Variants in TMEM117 observed in about 807,000 individuals in gnomAD.
TMEM117 encodes transmembrane protein 117.
Under a neutral mutation model 52.4 loss-of-function variants are expected in TMEM117, and 27 were observed. That is an observed-to-expected ratio of 0.51 (90% CI 0.38 to 0.71). The LOEUF is 0.71. Ranked by LOEUF, TMEM117 falls within the 30% of genes least tolerant of loss-of-function variation. The pLI, the probability that TMEM117 is intolerant of heterozygous loss-of-function variation, is 0.00. For missense variants in TMEM117, 556 were observed against 630.5 expected (o/e 0.88, Z 1.26); for synonymous variants, 215 against 206.3 (o/e 1.04, Z -0.36).
intron 4 of TMEM117, among the ~76,000 whole-genome samples, chr12:44,158,776 G>C (rs1948861718): frequency 1.3e-5 from 2 of 151,990 alleles, no homozygotes; most frequent in African/African-American, 4.8e-5. Context: ...AAAAAAAATA[G>C]CAGCCCTGAA....
At chr12:43,809,714 G>A in the TMEM117 span, among the ~76,000 whole-genome samples, 22 of 152,216 alleles carry the variant, frequency 1.4e-4, no homozygotes, top group African/African-American at 4.3e-4. Context: ...TGTGTAACAC[G>A]TCCTTAGATT....
chr12:43,898,118 T>TA (rs892232245), intron 2 of TMEM117, among the ~76,000 whole-genome samples: 2 of 152,064 alleles, frequency 1.3e-5, no homozygotes, highest in African/African-American at 4.8e-5. Flanking sequence ...GCTCTTTACT[T>TA]ATTGGCATCT....
At chr12:44,293,049 C>T (rs747856507) in intron 5 of TMEM117, among the ~76,000 whole-genome samples, 5 of 151,416 alleles carry the variant, frequency 3.3e-5, no homozygotes, top group African/African-American at 4.8e-5. Flanking sequence ...TATTGTATTG[C>T]TGTCTCTTTT....
intron 6 of TMEM117, among the ~76,000 whole-genome samples, chr12:44,319,007 C>T (rs1341156867): frequency 6.6e-6 from 1 of 152,202 alleles, no homozygotes; most frequent in Non-Finnish European, 1.5e-5. Flanking sequence ...TCAAGAGAAA[C>T]TGTCGCTGTA....
intron 3 of TMEM117, among the ~76,000 whole-genome samples, chr12:44,143,206 A>T (rs761244217): frequency 3.3e-5 from 5 of 152,172 alleles, no homozygotes; most frequent in Admixed American, 6.5e-5. Flanking sequence ...CTCTGCTCAT[A>T]CTTGAGTGAG....
intron 2 of TMEM117, among the ~76,000 whole-genome samples, chr12:43,867,702 C>A (rs1172640300): frequency 6.6e-6 from 1 of 151,914 alleles, no homozygotes; most frequent in African/African-American, 2.4e-5. Context: ...ACAAAAGTAA[C>A]CAAAAAGATG....
intron 4 of TMEM117, among the ~76,000 whole-genome samples, chr12:44,209,186 G>A (rs911020204): frequency 6.6e-6 from 1 of 152,054 alleles, no homozygotes; most frequent in Non-Finnish European, 1.5e-5. Flanking sequence ...GAGAAGTTAC[G>A]ATATAAAGCT....
chr12:43,841,485 A>G (rs566633590), intron 1 of TMEM117, among the ~76,000 whole-genome samples: 4 of 152,328 alleles, frequency 2.6e-5, no homozygotes, highest in East Asian at 1.9e-4. Flanking sequence ...GCTCAATGCT[A>G]TAGTTCTCTT....
At chr12:44,243,638 TA>T (rs936861933) in intron 5 of TMEM117, among the ~76,000 whole-genome samples, 2 of 151,914 alleles carry the variant, frequency 1.3e-5, no homozygotes, top group Non-Finnish European at 2.9e-5. Flanking sequence ...ATGATACACT[TA>T]AAACTCCTTC....
intron 3 of TMEM117, among the ~76,000 whole-genome samples, chr12:43,995,553 T>C (rs1946015593): frequency 6.6e-6 from 1 of 152,196 alleles, no homozygotes; most frequent in Admixed American, 6.5e-5. Context: ...AAGTCAATAG[T>C]TTTTGGGGAA....
chr12:43,798,449 C>T, the TMEM117 span: 1 of 949,232 alleles, frequency 1.1e-6, no homozygotes, highest in Non-Finnish European at 1.5e-6. Flanking sequence ...GTCTCATTCG[C>T]AGTGTTGCAA....
intron 1 of TMEM117, among the ~76,000 whole-genome samples, chr12:43,838,514 T>C (rs1384307388): frequency 2.0e-5 from 3 of 150,262 alleles, no homozygotes; most frequent in Non-Finnish European, 4.4e-5. Context: ...CAGACTCTAC[T>C]CTCTCTGGAA....
intron 2 of TMEM117, among the ~76,000 whole-genome samples, chr12:43,943,013 C>T (rs528328493): frequency 6.6e-6 from 1 of 151,742 alleles, no homozygotes; most frequent in South Asian, 2.1e-4. Context: ...CCCGCCTCTA[C>T]TAAAAATACA....
chr12:44,030,380 C>T (rs1946613716), intron 3 of TMEM117, among the ~76,000 whole-genome samples: 1 of 152,166 alleles, frequency 6.6e-6, no homozygotes. Context: ...ATGCTGGATT[C>T]AGCCCTTATC....
chr12:43,978,838 C>T (rs1477791645), intron 3 of TMEM117, among the ~76,000 whole-genome samples: 32 of 151,246 alleles, frequency 2.1e-4, no homozygotes, highest in Non-Finnish European at 3.7e-4. Flanking sequence ...GTTTTAGTCC[C>T]GGTATGTGAG....
At chr12:44,169,136 A>C (rs1949009921) in intron 4 of TMEM117, among the ~76,000 whole-genome samples, 1 of 152,194 alleles carries the variant, frequency 6.6e-6, no homozygotes, top group South Asian at 2.1e-4. Flanking sequence ...CCTTTTGGCT[A>C]TTGTAAATAA....
At chr12:43,809,901 A>G in the TMEM117 span, among the ~76,000 whole-genome samples, 3 of 152,340 alleles carry the variant, frequency 2.0e-5, no homozygotes, top group East Asian at 1.9e-4. Context: ...TGGAATATAT[A>G]AGATAAAATT....
At chr12:43,863,144 C>G (rs899806413) in intron 2 of TMEM117, among the ~76,000 whole-genome samples, 2 of 151,518 alleles carry the variant, frequency 1.3e-5, no homozygotes, top group Admixed American at 6.6e-5. Context: ...TACTCCGGAG[C>G]CTGAGGCACA....
chr12:44,341,856 G>A (rs781754138), intron 6 of TMEM117, among the ~76,000 whole-genome samples: 1 of 152,136 alleles, frequency 6.6e-6, no homozygotes, highest in Non-Finnish European at 1.5e-5. Context: ...AAAGGAAACA[G>A]TTTTGGATTA....
Sources: allele counts gnomAD v4.1 joint callset (sites outside exome capture counted in the v4.1 genomes callset), GRCh38; gene constraint gnomAD v4.1.1; transcripts MANE v1.5; gene names NCBI Gene and HGNC (gene_info 2026-07-23, HGNC 2026-07-21).